Variants in DOCK2 observed in about 807,000 individuals in gnomAD.
DOCK2 encodes the protein dedicator of cytokinesis 2, also known as dedicator of cytokinesis protein 2.
Under a neutral mutation model 248.9 loss-of-function variants are expected in DOCK2, and 87 were observed. That is an observed-to-expected ratio of 0.35 (90% CI 0.29 to 0.42). The LOEUF (loss-of-function observed/expected upper bound fraction) is 0.42, where lower values mean the gene tolerates loss of function less well. Ranked by LOEUF, DOCK2 falls within the 10% of genes least tolerant of loss-of-function variation. The pLI, the probability that DOCK2 is intolerant of heterozygous loss-of-function variation, is 1.00. For synonymous variants in DOCK2, 805 were observed against 821.6 expected, an observed-to-expected ratio of 0.98 and a Z score of 0.35; for missense variants, 1,747 against 2,300.2, an observed-to-expected ratio of 0.76 and a Z score of 4.92.
chr5:169,920,875 G>T (rs1031649278), intron 27 of DOCK2, among the ~76,000 whole-genome samples: 19 of 142,696 alleles, frequency 1.3e-4, no homozygotes, highest in African/African-American at 4.8e-4. Flanking sequence ...TCTCCTCCAA[G>T]CCCAGTAGTG....
intron 2 of DOCK2, among the ~76,000 whole-genome samples, chr5:169,658,543 G>A (rs1170200574): frequency 1.3e-5 from 2 of 149,964 alleles, no homozygotes; most frequent in Admixed American, 1.3e-4. Context: ...ATTTTTATGA[G>A]AGTATTTTAA....
At chr5:169,902,732 G>A (rs1773999839) in intron 27 of DOCK2, among the ~76,000 whole-genome samples, 1 of 152,162 alleles carries the variant, frequency 6.6e-6, no homozygotes, top group South Asian at 2.1e-4. Flanking sequence ...GCAGAAAATG[G>A]GTTGGGTACT....
intron 27 of DOCK2, among the ~76,000 whole-genome samples, chr5:169,922,923 G>T (rs983669755): frequency 6.6e-6 from 1 of 152,194 alleles, no homozygotes; most frequent in African/African-American, 2.4e-5. Flanking sequence ...GTACAGTACA[G>T]TGTTTATTGT....
chr5:169,930,591 TG>T (rs373372951), intron 27 of DOCK2, among the ~76,000 whole-genome samples: 29 of 152,334 alleles, frequency 1.9e-4, no homozygotes, highest in African/African-American at 7.0e-4. Context: ...AAAATGAATG[TG>T]GTGGCTGCCA....
At chr5:169,645,072 T>A (rs560148302) in intron 1 of DOCK2, among the ~76,000 whole-genome samples, 149 of 152,314 alleles carry the variant, frequency 9.8e-4, no homozygotes, top group African/African-American at 3.4e-3. Flanking sequence ...GTTCCAAGTG[T>A]TTGTTGTTGT....
At position 169,819,348 on chromosome 5, in the gene DOCK2, G is replaced by C. The variant is rs545943827; in HGVS notation, c.2703+16142G>C. On this transcript the variant is annotated intron_variant, in intron 26 of 51. Coordinates refer to ENST00000520908, the MANE Select transcript of DOCK2 (RefSeq NM_004946.3). ...CAACAAAACTTTCCTTTGCTGGCCA[G>C]AGTGGCTCACGCCTTTAATACCAGC... Among the ~76,000 whole-genome samples, 40 of 152,264 alleles carry C rather than the reference G, an allele frequency of 2.6e-4. 1 individual carries two copies. In the South Asian group the frequency reaches 7.9e-3, roughly 30 times the overall value.
At chr5:169,810,063 C>T (rs573015453) in intron 26 of DOCK2, among the ~76,000 whole-genome samples, 2 of 152,120 alleles carry the variant, frequency 1.3e-5, no homozygotes, top group East Asian at 1.9e-4. Flanking sequence ...TGCTCTACCC[C>T]CCGCCCACCC....
chr5:169,890,843 C>T (rs1773239271), intron 27 of DOCK2, among the ~76,000 whole-genome samples: 1 of 152,172 alleles, frequency 6.6e-6, no homozygotes, highest in Non-Finnish European at 1.5e-5. Flanking sequence ...CATCTCTCAC[C>T]TGTATCACTG....
In DOCK2 at chr5:170,041,112, C is replaced by A. The variant is rs770205716; in HGVS notation, c.3723C>A (p.Ala1241=). ...ACTGTGACAATTACACAGAGGCTGC[C>A]TACACGCTCCTTCTCCACACCTGGC... ...HLDCDNYTEA[A]YTLLLHTWLL... Residue 1241 remains alanine (A), a synonymous_variant, in exon 37 of 52, where the codon GCC becomes GCA. Transcript: ENST00000520908. The A allele has an allele frequency of 1.1e-5, 18 of 1,614,066 alleles. No homozygotes were observed. In the South Asian group the frequency reaches 2.0e-4, roughly 18 times the overall value.
At position 170,019,064 on chromosome 5, in the gene DOCK2, G is replaced by T; in HGVS notation, c.3337G>T (p.Asp1113Tyr). The T allele has an allele frequency of 6.2e-7, 1 of 1,613,992 alleles. No homozygotes were observed. The highest frequency in any genetic ancestry group is 8.5e-7 in the Non-Finnish European group (1 of 1,179,956). Reference protein sequence around the residue: ...LRKATIPIFFDMMLCEYQRSG... With the variant: ...LRKATIPIFFYMMLCEYQRSG... ...GAAAGCCACCATACCAATCTTCTTCGACATGATGCTGTGTGAATATCAAAG... is the reference window on the plus strand; with the variant it reads ...GAAAGCCACCATACCAATCTTCTTCTACATGATGCTGTGTGAATATCAAAG... Residue 1113 changes from aspartate (D) to tyrosine (Y), a missense_variant, in exon 33 of 52, where the codon GAC becomes TAC. By Grantham distance (160) the Asp-to-Tyr change is radical (BLOSUM62 -3). This residue lies in a region of DOCK2 where 858 missense variants were observed against 1,183.5 expected (regional missense o/e 0.72). Coordinates refer to ENST00000520908, the MANE Select transcript of DOCK2 (RefSeq NM_004946.3).
At chr5:169,664,292 A>C (rs1001920149) in intron 2 of DOCK2, among the ~76,000 whole-genome samples, 1 of 152,218 alleles carries the variant, frequency 6.6e-6, no homozygotes, top group Non-Finnish European at 1.5e-5. Flanking sequence ...TTCATTGTCC[A>C]TATCACTATC....
chr5:169,918,527 G>C (rs920315200), intron 27 of DOCK2, among the ~76,000 whole-genome samples: 1 of 152,172 alleles, frequency 6.6e-6, no homozygotes, highest in Non-Finnish European at 1.5e-5. Context: ...ATCCATATGT[G>C]GTGAAATAGA....
intron 29 of DOCK2, among the ~76,000 whole-genome samples, chr5:169,993,928 C>G (rs1357707236): frequency 1.3e-5 from 2 of 151,678 alleles, no homozygotes; most frequent in African/African-American, 2.4e-5. Flanking sequence ...TTCTTATATG[C>G]AAATGTGTTC....
At chr5:169,658,252 G>A (rs1276812594) in intron 2 of DOCK2, among the ~76,000 whole-genome samples, 1 of 151,718 alleles carries the variant, frequency 6.6e-6, no homozygotes, top group Admixed American at 6.6e-5. Flanking sequence ...AGGCAGAGGC[G>A]GGTGGATCAT....
At chr5:169,812,121 A>AG (rs1386028942) in intron 26 of DOCK2, among the ~76,000 whole-genome samples, 1 of 152,216 alleles carries the variant, frequency 6.6e-6, no homozygotes, top group Non-Finnish European at 1.5e-5. Flanking sequence ...CAGGCTTCAC[A>AG]GCAGGAGGTG....
intron 33 of DOCK2, among the ~76,000 whole-genome samples, chr5:170,025,050 C>T (rs563469723): frequency 6.6e-6 from 1 of 152,368 alleles, no homozygotes; most frequent in South Asian, 2.1e-4. Flanking sequence ...CTTTTCTCCC[C>T]CTGCGCTGCT....
intron 25 of DOCK2, 58 bp from the exon 26 acceptor site, chr5:169,803,000 A>C: frequency 6.3e-7 from 1 of 1,586,278 alleles, no homozygotes; most frequent in South Asian, 1.2e-5. Context: ...GCATATATGA[A>C]AGAAAAGAAA....
intron 27 of DOCK2, chr5:169,881,260 C>A: frequency 1.2e-6 from 1 of 861,616 alleles, no homozygotes; most frequent in Non-Finnish European, 1.9e-6. Flanking sequence ...TAGTTAAATA[C>A]CTTGTTTTTG....
chr5:169,804,790 T>C (rs1209472052), intron 26 of DOCK2, among the ~76,000 whole-genome samples: 3 of 152,200 alleles, frequency 2.0e-5, no homozygotes, highest in Admixed American at 1.3e-4. Flanking sequence ...TGATTCAGAC[T>C]CTGTGTAATC....
Sources: allele counts gnomAD v4.1 joint callset (sites outside exome capture counted in the v4.1 genomes callset), GRCh38; gene constraint gnomAD v4.1.1; regional missense constraint gnomAD v4.1.1; transcripts MANE v1.5; gene names NCBI Gene and HGNC (gene_info 2026-07-23, HGNC 2026-07-21).